Variants in MYO18A observed in about 807,000 individuals in gnomAD.
MYO18A encodes the protein myosin XVIIIA, also known as unconventional myosin-XVIIIa.
Under a neutral mutation model 235.8 loss-of-function variants are expected in MYO18A, and 78 were observed. The observed-to-expected ratio is 0.33, with a 90% CI of 0.28 to 0.40. MYO18A has a LOEUF of 0.40. MYO18A is among the 10% of genes least tolerant of loss of function. The pLI is 1.00. For missense variants in MYO18A, 2,215 were observed against 2,699.3 expected, an observed-to-expected ratio of 0.82 and a Z score of 3.98; for synonymous variants, 977 against 1,077.8, an observed-to-expected ratio of 0.91 and a Z score of 1.83.
chr17:29,168,864 GAGGC>G (rs1266646056), intron 1 of MYO18A, among the ~76,000 whole-genome samples: 3 of 152,144 alleles, frequency 2.0e-5, no homozygotes, highest in African/African-American at 7.2e-5. Flanking sequence ...TTAGGAGGCT[GAGGC>G]AGGCAGATCA....
At chr17:29,078,045 C>G (rs567515217) in intron 41 of MYO18A, 1 of 152,264 alleles carries the variant, frequency 6.6e-6, no homozygotes, top group East Asian at 1.9e-4. Flanking sequence ...GATGGAGTCT[C>G]GCTCTGTAGC....
At chr17:29,080,600 A>G (rs1440452951) in intron 41 of MYO18A, 5 of 985,636 alleles carry the variant, frequency 5.1e-6, no homozygotes, top group Non-Finnish European at 4.8e-6. Flanking sequence ...CCCGACAGCG[A>G]GAAACTCAGG....
intron 40 of MYO18A, among the ~76,000 whole-genome samples, chr17:29,085,248 C>A (rs967181342): frequency 6.6e-6 from 1 of 152,230 alleles, no homozygotes; most frequent in Non-Finnish European, 1.5e-5. Flanking sequence ...ACTTTTCCCC[C>A]CAGAGAAATA....
chr17:29,115,402 G>A lies in MYO18A; in HGVS notation c.2267C>T (p.Ala756Val), dbSNP rs376344722. The A allele has an allele frequency of 2.6e-5, 42 of 1,613,784 alleles. No individual in the cohort carries two copies. Among genetic ancestry groups the A allele is most frequent in the Admixed American group, 6.7e-5 (4 of 60,010 alleles). Residue 756 changes from alanine (A) to valine (V), a missense_variant, in exon 13 of 42, where the codon GCG becomes GTG. By Grantham distance (64) the Ala-to-Val change is moderately conservative. Coordinates refer to ENST00000527372, the MANE Select transcript of MYO18A (RefSeq NM_078471.4). ...GAAGAGCTCGCTGTAGAGGCCGGCC[G>A]CCATGCCCTCAAGGCACTCCAGTGC... ...LSALECLEGM[A>V]AGLYSELFTL...
intron 41 of MYO18A, chr17:29,075,410 CT>C (rs2065950944): frequency 5.9e-6 from 1 of 168,762 alleles, no homozygotes; most frequent in African/African-American, 2.4e-5. Flanking sequence ...CTGTCAAATA[CT>C]CCCAGATCTG....
rs377087100 is a variant in MYO18A at position 29,092,324 on chromosome 17, G to A, written c.5187+19C>T. On this transcript the variant is annotated intron_variant, in intron 34 of 41. Transcript: ENST00000527372. The stretch of plus-strand genomic sequence containing the variant: ...GCCTCAGCCCCCCGAGCTCTGCCCC[G>A]GGCACCTTGGCCCCTCACCGCTGTC... 13 of 1,594,120 alleles carry A rather than the reference G, an allele frequency of 8.2e-6. No individual in the cohort carries two copies. Among genetic ancestry groups the A allele is most frequent in the East Asian group, 2.2e-5 (1 of 44,730 alleles).
At chr17:29,137,747 T>C (rs190002812) in intron 2 of MYO18A, among the ~76,000 whole-genome samples, 3 of 152,282 alleles carry the variant, frequency 2.0e-5, no homozygotes, top group East Asian at 3.9e-4. Flanking sequence ...TGTAACCATA[T>C]GGAAAGCTCC....
chr17:29,111,700 A>C lies in MYO18A; in HGVS notation c.2740+22T>G. 6.2e-7 allele frequency: 1 copy of C among 1,613,024 alleles called. No homozygotes were observed. Among genetic ancestry groups the C allele is most frequent in the Non-Finnish European group, 8.5e-7 (1 of 1,179,518 alleles). On this transcript the variant is annotated intron_variant, in intron 16 of 41. Transcript: ENST00000527372. The surrounding 1 kb of genome is among the most constrained non-coding windows in gnomAD (Gnocchi z 5.1). ...GTATGTAAGAGGAAGCAGAGGAGCT[A>C]CCCTCTAGGGATGCCACCTACCTTT...
chr17:29,109,976 C>T lies in MYO18A; in HGVS notation c.3213G>A (p.Glu1071=), dbSNP rs1344903407. ...ASSRRVSSSS[E]LDLPSGDHCE... is the part of the protein sequence containing the mutation. ...AGTGGTCTCCCGAGGGCAGGTCCAGCTCACTGCTGCTGCTGACTCGGCGGG... is the reference window on the plus strand; with the variant it reads ...AGTGGTCTCCCGAGGGCAGGTCCAGTTCACTGCTGCTGCTGACTCGGCGGG... The change falls in exon 19 of 42, where the codon GAG becomes GAA. Residue 1071 remains glutamate (E), a synonymous_variant. Transcript: ENST00000527372. The surrounding 1 kb of genome is among the most constrained non-coding windows in gnomAD (Gnocchi z 4.1). 1 of 1,611,684 alleles carries T rather than the reference C, an allele frequency of 6.2e-7. No homozygotes were observed. The highest frequency in any genetic ancestry group is 1.1e-5 in the South Asian group (1 of 90,606).
intron 1 of MYO18A, among the ~76,000 whole-genome samples, chr17:29,175,060 G>A (rs1227419020): frequency 6.6e-6 from 1 of 152,100 alleles, no homozygotes; most frequent in East Asian, 1.9e-4. Context: ...GCTCTGGGGA[G>A]GAGACTGGAA....
At chr17:29,099,077 G>A in intron 22 of MYO18A, 108 bp from the exon 23 acceptor site, 2 of 1,406,890 alleles carry the variant, frequency 1.4e-6, no homozygotes, top group Non-Finnish European at 2.0e-6. Context: ...CTGCTCCTCT[G>A]GCCCCCTGAC....
Position 29,166,549 on chromosome 17 carries a change from T to C in MYO18A, c.392A>G (p.Asn131Ser). 2 of 1,613,756 alleles carry C rather than the reference T, an allele frequency of 1.2e-6. No individual in the cohort carries two copies. Among genetic ancestry groups the C allele is most frequent in the Non-Finnish European group, 1.7e-6 (2 of 1,179,858 alleles). Residue 131 changes from asparagine (N) to serine (S), a missense_variant, in exon 2 of 42, where the codon AAC becomes AGC. Physicochemically the swap from Asn to Ser is conservative, Grantham distance 46. Coordinates refer to ENST00000527372, the MANE Select transcript of MYO18A (RefSeq NM_078471.4). ...AAKFGSLAKQ[N>S]SQMIVKRFSF... ...AAAGCGCTTGACAATCATCTGTGAGTTCTGCTTGGCCAGTGAGCCGAACTT... is the reference window on the plus strand; with the variant it reads ...AAAGCGCTTGACAATCATCTGTGAGCTCTGCTTGGCCAGTGAGCCGAACTT...
In MYO18A at chr17:29,109,981, T is replaced by C; in HGVS notation, c.3208A>G (p.Ser1070Gly). 6.2e-7 allele frequency: 1 copy of C among 1,611,370 alleles called. No homozygotes were observed. The highest frequency in any genetic ancestry group is 8.5e-7 in the Non-Finnish European group (1 of 1,178,982). ...TCTCCCGAGGGCAGGTCCAGCTCACTGCTGCTGCTGACTCGGCGGGAGGAG... is the reference window on the plus strand; with the variant it reads ...TCTCCCGAGGGCAGGTCCAGCTCACCGCTGCTGCTGACTCGGCGGGAGGAG... ...SASSRRVSSS[S>G]ELDLPSGDHC... The change falls in exon 19 of 42, where the codon AGT becomes GGT. Residue 1070 changes from serine (S) to glycine (G), a missense_variant. Coordinates refer to ENST00000527372, the MANE Select transcript of MYO18A (RefSeq NM_078471.4). The surrounding 1 kb of genome is among the most constrained non-coding windows in gnomAD (Gnocchi z 4.1).
chr17:29,115,064 A>G lies in MYO18A; in HGVS notation c.2354T>C (p.Met785Thr). The stretch of plus-strand genomic sequence containing the variant: ...GAAGCCCGGGGTGTCGACAATCATC[A>G]TGGAGCAGAGTGAGTGCTGGCTGGA... ...LKSSQHSLCS[M>T]MIVDTPGFQN... The change falls in exon 14 of 42, where the codon ATG becomes ACG. Residue 785 changes from methionine to threonine, a missense_variant. Coordinates refer to ENST00000527372, the MANE Select transcript of MYO18A (RefSeq NM_078471.4). 2 of 1,613,924 alleles carry G rather than the reference A, an allele frequency of 1.2e-6. No individual in the cohort carries two copies. Among genetic ancestry groups the G allele is most frequent in the South Asian group, 1.1e-5 (1 of 91,076 alleles).
chr17:29,085,545 T>A, intron 40 of MYO18A, 59 bp downstream of exon 40: 1 of 1,544,714 alleles, frequency 6.5e-7, no homozygotes, highest in Non-Finnish European at 8.9e-7. Context: ...GGAGCCAGTG[T>A]TAGGGGTGGT....
rs530392442 is a variant in MYO18A at position 29,114,600 on chromosome 17, C to T, written c.2511+307G>A. Among the ~76,000 whole-genome samples the T allele has an allele frequency of 3.9e-5, 6 of 152,308 alleles. No homozygotes were observed. The East Asian group carries it at 9.7e-4, about 25-fold the overall frequency. ...GAGACGGGAAGGCCAGGCCCAGACA[C>T]ACTTGGAGCAGGAACCACACAGTGG... On this transcript the variant is annotated intron_variant, in intron 14 of 41. Transcript: ENST00000527372.
chr17:29,129,790 A>G (rs1367284610), intron 2 of MYO18A, among the ~76,000 whole-genome samples: 1 of 152,222 alleles, frequency 6.6e-6, no homozygotes, highest in Non-Finnish European at 1.5e-5. Flanking sequence ...AGCTGAGCCA[A>G]GGGCCTTAAT....
At chr17:29,163,858 C>T (rs189296549) in intron 2 of MYO18A, among the ~76,000 whole-genome samples, 4 of 152,330 alleles carry the variant, frequency 2.6e-5, no homozygotes, top group Admixed American at 6.5e-5. Context: ...CCTGGAAGAA[C>T]GCAGACAGGC....
intron 28 of MYO18A, 80 bp from the exon 29 acceptor site, chr17:29,095,139 T>G: frequency 6.9e-7 from 1 of 1,456,572 alleles, no homozygotes; most frequent in Non-Finnish European, 9.1e-7. Context: ...GGTGGTGCCA[T>G]GGACAGGACT....
Sources: allele counts gnomAD v4.1 joint callset (sites outside exome capture counted in the v4.1 genomes callset), GRCh38; gene constraint gnomAD v4.1.1; non-coding constraint Gnocchi (gnomAD v3.1); transcripts MANE v1.5; gene names NCBI Gene and HGNC (gene_info 2026-07-23, HGNC 2026-07-21).